Variants in GRTP1 observed in about 807,000 individuals in gnomAD.
GRTP1 encodes the protein growth hormone-regulated TBC protein 1.
Under a neutral mutation model 38.1 loss-of-function variants are expected in GRTP1, and 56 were observed. That is an observed-to-expected ratio of 1.47 (90% CI 1.19 to 1.84). The LOEUF (loss-of-function observed/expected upper bound fraction) is 1.84. Among genes scored for constraint, GRTP1 ranks in the 40% most tolerant of loss-of-function variants. GRTP1 has a pLI of 0.00. For synonymous variants in GRTP1, 217 were observed against 189.5 expected, an observed-to-expected ratio of 1.14 and a Z score of -1.19; for missense variants, 506 against 453.9, an observed-to-expected ratio of 1.11 and a Z score of -1.04.
intron 2 of GRTP1, chr13:113,360,152 G>C (rs1170077887): frequency 6.6e-6 from 1 of 152,208 alleles, no homozygotes; most frequent in Non-Finnish European, 1.5e-5. Flanking sequence ...CGGCCCTGAA[G>C]CTGCTTCCCT....
intron 5 of GRTP1, among the ~76,000 whole-genome samples, chr13:113,328,847 C>G (rs899942296): frequency 6.6e-6 from 1 of 152,236 alleles, no homozygotes; most frequent in African/African-American, 2.4e-5. Flanking sequence ...AGGAAAGACA[C>G]CCCTGAAATC....
In GRTP1 at chr13:113,325,979, CAG is replaced by C. The variant is rs1681767944; in HGVS notation, c.673_674del (p.Leu225ValfsTer31). 1 of 1,613,838 alleles carries C rather than the reference CAG, an allele frequency of 6.2e-7. No individual in the cohort carries two copies. Among genetic ancestry groups the C allele is most frequent in the African/African-American group, 1.3e-5 (1 of 74,912 alleles). On this transcript the variant is annotated frameshift_variant, in exon 6 of 8. Transcript: ENST00000375431. LOFTEE classifies it high-confidence loss of function. Reference sequence around the variant, plus strand: ...ACCAGCGGGACACCAGCAGCGTCCACAGCACACCGAGACGCTCCATCAGGGCC... The same window carrying C: ...ACCAGCGGGACACCAGCAGCGTCCACCACACCGAGACGCTCCATCAGGGCC... ...VGALMERLGV[L>X]WTLLVSRWFI...
intron 3 of GRTP1, chr13:113,351,634 C>CA (rs2043268271): frequency 1.3e-5 from 2 of 152,896 alleles, no homozygotes; most frequent in Non-Finnish European, 2.9e-5. Context: ...GCTGGGGGAC[C>CA]CGGATACCAC....
At chr13:113,330,080 C>T (rs377386176) in intron 5 of GRTP1, among the ~76,000 whole-genome samples, 103 of 120,326 alleles carry the variant, frequency 8.6e-4, no homozygotes, top group African/African-American at 3.1e-3. Flanking sequence ...AACCCGGGTG[C>T]GTGCATGGAA....
rs918750087 is a variant in GRTP1 at position 113,348,782 on chromosome 13, G to A, written c.465+2067C>T. Among the ~76,000 whole-genome samples, 3 of 152,254 alleles carry A rather than the reference G, an allele frequency of 2.0e-5. No homozygotes were observed. The highest frequency in any genetic ancestry group is 1.9e-4 in the East Asian group (1 of 5,166). The stretch of plus-strand genomic sequence containing the variant: ...GGGCAAGGCCTGGGACAGTCCGTCC[G>A]TCACAGCCTCAGAAAGAACCCGCCC... On this transcript the variant is annotated intron_variant, in intron 4 of 7. Transcript: ENST00000375431. This position sits in a 1 kb window ranked among gnomAD's most constrained non-coding sequence, Gnocchi z 4.8.
In GRTP1 at chr13:113,344,978, G is replaced by GAAAC; in HGVS notation, c.466-23_466-20dup. On this transcript the variant is annotated intron_variant, in intron 4 of 7. Coordinates refer to ENST00000375431, the MANE Select transcript of GRTP1 (RefSeq NM_024719.4). ...TCATTCCCTGAAATTAGAAAAATGA[G>GAAAC]AAACAAATTCACATTGAGTTTTAAG... The GAAAC allele has an allele frequency of 6.3e-7, 1 of 1,586,684 alleles. No homozygotes were observed. The highest frequency in any genetic ancestry group is 2.3e-5 in the East Asian group (1 of 44,262).
rs190873368 is a variant in GRTP1 at position 113,345,930 on chromosome 13, C to T, written c.466-971G>A. Among the ~76,000 whole-genome samples the T allele has an allele frequency of 2.6e-3, 393 of 150,984 alleles. 3 individuals carry two copies. The highest frequency in any genetic ancestry group is 9.1e-3 in the African/African-American group (375 of 41,344). On this transcript the variant is annotated intron_variant, in intron 4 of 7. Transcript: ENST00000375431. ...AGAACCGACTGCTTCGAGCTGATGA[C>T]GGAAATGCTGGGAAGACCTCTGTGG...
chr13:113,344,400 C>G (rs1177957908), intron 5 of GRTP1, among the ~76,000 whole-genome samples: 2 of 152,192 alleles, frequency 1.3e-5, no homozygotes, highest in African/African-American at 4.8e-5. Context: ...AACTCAATTT[C>G]AAAGAAATTT....
intron 5 of GRTP1, among the ~76,000 whole-genome samples, chr13:113,327,384 T>G (rs964681604): frequency 6.6e-6 from 1 of 152,210 alleles, no homozygotes; most frequent in East Asian, 1.9e-4. Context: ...TTCACCATAT[T>G]TGCCAGGCTG....
intron 5 of GRTP1, among the ~76,000 whole-genome samples, chr13:113,337,136 A>T (rs531673653): frequency 5.9e-5 from 9 of 152,122 alleles, no homozygotes; most frequent in Admixed American, 4.6e-4. Context: ...TGTACTCAAA[A>T]TAAAAAAATT....
In GRTP1 at chr13:113,342,799, T is replaced by C. The variant is rs574581181; in HGVS notation, c.562+2064A>G. Among the ~76,000 whole-genome samples, 1 of 152,214 alleles carries C rather than the reference T, an allele frequency of 6.6e-6. No individual in the cohort carries two copies. Among genetic ancestry groups the C allele is most frequent in the South Asian group, 2.1e-4 (1 of 4,818 alleles). On this transcript the variant is annotated intron_variant, in intron 5 of 7. Coordinates refer to ENST00000375431, the MANE Select transcript of GRTP1 (RefSeq NM_024719.4). The surrounding 1 kb of genome is among the most constrained non-coding windows in gnomAD (Gnocchi z 4.5). The stretch of plus-strand genomic sequence containing the variant: ...CCTTTTCCTCCCATGATCCTAACAG[T>C]TTAGTTTTTGTACTTTCTTTTCTTT...
chr13:113,337,195 G>C (rs1293717468), intron 5 of GRTP1, among the ~76,000 whole-genome samples: 1 of 152,180 alleles, frequency 6.6e-6, no homozygotes, highest in Non-Finnish European at 1.5e-5. Flanking sequence ...TTGGGAGGCT[G>C]AGGTGGGAGG....
chr13:113,363,961 G>A lies in GRTP1; in HGVS notation c.33-51C>T, dbSNP rs377360188. 6.5e-4 allele frequency: 1,022 copies of A among 1,572,408 alleles called. 1 individual carries two copies. The highest frequency in any genetic ancestry group is 9.7e-4 in the Admixed American group (54 of 55,498). ...GCGTCCCCGAAGTTTCCTCTGGGGG[G>A]TCGCGGGCCCGCGCGGGGACCGCAG... On this transcript the variant is annotated intron_variant, in intron 1 of 7. Coordinates refer to ENST00000375431, the MANE Select transcript of GRTP1 (RefSeq NM_024719.4).
At chr13:113,363,554 G>C (rs1362617068) in intron 2 of GRTP1, among the ~76,000 whole-genome samples, 1 of 152,158 alleles carries the variant, frequency 6.6e-6, no homozygotes, top group Non-Finnish European at 1.5e-5. Context: ...GGGAGGGACG[G>C]GTCTCCTTCG....
In GRTP1 at chr13:113,334,282, A is replaced by C. The variant is rs9577234; in HGVS notation, c.563-8191T>G. On this transcript the variant is annotated intron_variant, in intron 5 of 7. Transcript: ENST00000375431. ...CGTCCCCACCCTGCACTGCCACGAC[A>C]GCCTCCCGCCCACCCTGCACTGCTA... Among the ~76,000 whole-genome samples, 113 of 144,980 alleles carry C rather than the reference A, an allele frequency of 7.8e-4. 1 individual carries two copies. The highest frequency in any genetic ancestry group is 1.2e-3 in the East Asian group (6 of 4,870).
chr13:113,324,676 G>A, intron 7 of GRTP1, 99 bp from the exon 8 acceptor site: 11 of 1,503,250 alleles, frequency 7.3e-6, no homozygotes, highest in Non-Finnish European at 9.8e-6. Context: ...CGTGTGAGGT[G>A]AGGGAGGAGC....
In GRTP1 at chr13:113,344,847, G is replaced by T; in HGVS notation, c.562+16C>A. 6.3e-7 allele frequency: 1 copy of T among 1,593,032 alleles called. No homozygotes were observed. The highest frequency in any genetic ancestry group is 8.5e-7 in the Non-Finnish European group (1 of 1,174,426). On this transcript the variant is annotated intron_variant, in intron 5 of 7. Transcript: ENST00000375431. Reference sequence around the variant, plus strand: ...AACAGGACAGTTCGGGCATACCGCAGGAATTTTCAACATACCTGGTAGTAT... The same window carrying T: ...AACAGGACAGTTCGGGCATACCGCATGAATTTTCAACATACCTGGTAGTAT...
chr13:113,347,441 TGA>T (rs1566432108), intron 4 of GRTP1, among the ~76,000 whole-genome samples: 6 of 80,692 alleles, frequency 7.4e-5, no homozygotes, highest in African/African-American at 3.3e-4. Context: ...CCTCTGTGGC[TGA>T]GAGCAGACCC....
At chr13:113,330,531 C>A (rs113598112) in intron 5 of GRTP1, among the ~76,000 whole-genome samples, 28 of 113,812 alleles carry the variant, frequency 2.5e-4, no homozygotes, top group African/African-American at 2.9e-4. Context: ...TGCATGGAAA[C>A]CCAGGTGTGT....
Sources: allele counts gnomAD v4.1 joint callset (sites outside exome capture counted in the v4.1 genomes callset), GRCh38; gene constraint gnomAD v4.1.1; non-coding constraint Gnocchi (gnomAD v3.1); transcripts MANE v1.5; gene names NCBI Gene and HGNC (gene_info 2026-07-23, HGNC 2026-07-21).